The following MARCHF1 variants were observed in gnomAD, a reference collection of about 807,000 sequenced individuals.
MARCHF1 encodes E3 ubiquitin-protein ligase MARCHF1.
MARCHF1 carries 40 observed loss-of-function variants against 54.2 expected under a neutral mutation model. The observed-to-expected ratio is 0.74, with a 90% CI of 0.57 to 0.96. The LOEUF (loss-of-function observed/expected upper bound fraction) is 0.96. Among genes scored for constraint, MARCHF1 ranks in the 40% least tolerant of loss-of-function variants. The pLI is 0.00. For synonymous variants in MARCHF1, 236 were observed against 236.3 expected (o/e 1.00, Z 0.01); for missense variants, 586 against 656.5 (o/e 0.89, Z 1.17).
intron 3 of MARCHF1, among the ~76,000 whole-genome samples, chr4:163,919,235 T>C (rs1422131069): frequency 6.6e-6 from 1 of 152,068 alleles, no homozygotes; most frequent in Non-Finnish European, 1.5e-5. Flanking sequence ...TGTGAAAATA[T>C]TGGAGAAAGA....
At chr4:164,328,579 G>C (rs1735344303) in intron 1 of MARCHF1, among the ~76,000 whole-genome samples, 1 of 151,686 alleles carries the variant, frequency 6.6e-6, no homozygotes. Flanking sequence ...GCCCAGGCTG[G>C]AGTGCAATGG....
intron 9 of MARCHF1, among the ~76,000 whole-genome samples, chr4:163,544,222 G>C (rs1430296205): frequency 6.6e-6 from 1 of 152,140 alleles, no homozygotes; most frequent in Non-Finnish European, 1.5e-5. Flanking sequence ...ATTTAATAAG[G>C]ATGTAATGTG....
intron 4 of MARCHF1, among the ~76,000 whole-genome samples, chr4:163,814,676 A>T (rs1748486692): frequency 6.6e-6 from 1 of 152,210 alleles, no homozygotes; most frequent in African/African-American, 2.4e-5. Flanking sequence ...ATTGAGATGG[A>T]CTAAAAGGCA....
chr4:163,749,106 T>C (rs1430472194), intron 4 of MARCHF1, among the ~76,000 whole-genome samples: 2 of 152,318 alleles, frequency 1.3e-5, no homozygotes, highest in East Asian at 3.9e-4. Flanking sequence ...GTTTTCAGTA[T>C]ACTGATCTTG....
At chr4:164,218,016 T>C (rs990306457) in intron 1 of MARCHF1, among the ~76,000 whole-genome samples, 1 of 152,022 alleles carries the variant, frequency 6.6e-6, no homozygotes, top group African/African-American at 2.4e-5. Context: ...TTCTTTAAAA[T>C]ATTTTTAAGG....
chr4:164,031,994 G>A (rs957635808), intron 2 of MARCHF1, among the ~76,000 whole-genome samples: 3 of 152,088 alleles, frequency 2.0e-5, no homozygotes, highest in Admixed American at 1.3e-4. Flanking sequence ...CTATTTAGTT[G>A]TGCCTTAATT....
At chr4:164,251,643 T>C (rs1446984893) in intron 1 of MARCHF1, among the ~76,000 whole-genome samples, 1 of 152,200 alleles carries the variant, frequency 6.6e-6, no homozygotes, top group Non-Finnish European at 1.5e-5. Context: ...TAAAACTTTT[T>C]ATTGCTGCCT....
intron 1 of MARCHF1, among the ~76,000 whole-genome samples, chr4:164,312,245 C>T (rs1734869585): frequency 6.6e-6 from 1 of 151,488 alleles, no homozygotes; most frequent in African/African-American, 2.4e-5. Context: ...GGATGTTTTG[C>T]TAGAATTGCA....
intron 8 of MARCHF1, among the ~76,000 whole-genome samples, chr4:163,582,494 C>T (rs542402210): frequency 4.5e-4 from 68 of 152,192 alleles, no homozygotes; most frequent in African/African-American, 1.6e-3. Context: ...CCATTAAGCC[C>T]CAAGGTTTGT....
chr4:163,845,689 A>G (rs1179971767), intron 4 of MARCHF1, among the ~76,000 whole-genome samples: 47 of 152,202 alleles, frequency 3.1e-4, no homozygotes, highest in Non-Finnish European at 2.9e-5. Context: ...CAGACATGAC[A>G]CATTTTGATA....
intron 5 of MARCHF1, among the ~76,000 whole-genome samples, chr4:163,637,792 A>C (rs1742394988): frequency 6.6e-6 from 1 of 152,026 alleles, no homozygotes; most frequent in Admixed American, 6.6e-5. Context: ...ACACATGCAC[A>C]CGTATGTTTA....
At chr4:163,619,002 G>A (rs1289694620) in intron 5 of MARCHF1, among the ~76,000 whole-genome samples, 1 of 152,128 alleles carries the variant, frequency 6.6e-6, no homozygotes, top group Non-Finnish European at 1.5e-5. Context: ...GTCCAGGCAA[G>A]GACAAGGATG....
chr4:163,746,482 T>G (rs1048455475), intron 4 of MARCHF1, among the ~76,000 whole-genome samples: 1 of 152,022 alleles, frequency 6.6e-6, no homozygotes, highest in African/African-American at 2.4e-5. Flanking sequence ...TGTGCAGGGT[T>G]TTTTTTTGTG....
chr4:164,164,909 C>T (rs948106422), intron 1 of MARCHF1, among the ~76,000 whole-genome samples: 3 of 152,022 alleles, frequency 2.0e-5, no homozygotes, highest in Admixed American at 6.6e-5. Flanking sequence ...CCTTCTCTCC[C>T]TGACCCATTC....
At chr4:163,964,686 T>G (rs1292205365) in intron 3 of MARCHF1, among the ~76,000 whole-genome samples, 2 of 140,366 alleles carry the variant, frequency 1.4e-5, no homozygotes, top group Non-Finnish European at 3.3e-5. Context: ...TCTCTCTCTT[T>G]TGATTCCTTG....
intron 4 of MARCHF1, among the ~76,000 whole-genome samples, chr4:163,722,770 T>C (rs1369234225): frequency 1.3e-5 from 2 of 152,234 alleles, no homozygotes; most frequent in Non-Finnish European, 2.9e-5. Context: ...TTGATCCCTT[T>C]ACCATTATGT....
intron 3 of MARCHF1, among the ~76,000 whole-genome samples, chr4:163,951,209 C>A (rs1226661425): frequency 6.6e-6 from 1 of 152,220 alleles, no homozygotes; most frequent in South Asian, 2.1e-4. Flanking sequence ...TATATTTGCA[C>A]TTATCCATGA....
At chr4:164,146,768 A>G (rs370813008) in intron 1 of MARCHF1, among the ~76,000 whole-genome samples, 3 of 152,250 alleles carry the variant, frequency 2.0e-5, no homozygotes, top group African/African-American at 2.4e-5. Context: ...CATGGGCAAG[A>G]ACTTCATGTC....
At chr4:164,004,267 T>G in intron 2 of MARCHF1, among the ~76,000 whole-genome samples, 1 of 133,634 alleles carries the variant, frequency 7.5e-6, no homozygotes, top group Non-Finnish European at 1.7e-5. Flanking sequence ...ATATGCATGT[T>G]CTGCACATGT....
Sources: gnomAD v4.1 joint callset for allele counts (sites outside exome capture counted in the v4.1 genomes callset) on GRCh38, gnomAD v4.1.1 for gene constraint, MANE v1.5 for transcripts, NCBI Gene and HGNC (gene_info 2026-07-23, HGNC 2026-07-21) for gene names.